ALAD: variants seen among roughly 807,000 people sequenced by gnomAD.
ALAD encodes the protein aminolevulinate dehydratase, also known as delta-aminolevulinic acid dehydratase.
A neutral mutation model predicts 44.4 loss-of-function variants in ALAD; 20 were observed. The observed-to-expected ratio is 0.45, with a 90% confidence interval of 0.32 to 0.65. The LOEUF is 0.65. ALAD is among the 30% of genes least tolerant of loss of function. ALAD has a pLI of 0.05. For synonymous variants in ALAD, 156 were observed against 167.9 expected (o/e 0.93, Z 0.55); for missense variants, 323 against 445.7 (o/e 0.72, Z 2.48).
At chr9:113,394,673 A>C (rs1827680455) in intron 1 of ALAD, among the ~76,000 whole-genome samples, 1 of 152,234 alleles carries the variant, frequency 6.6e-6, no homozygotes, top group Non-Finnish European at 1.5e-5. Flanking sequence ...TTATTCCACA[A>C]AAAATGCCCG....
intron 2 of ALAD, 164 bp from the exon 3 acceptor site, chr9:113,392,333 G>A (rs775648666): frequency 3.3e-6 from 5 of 1,530,394 alleles, no homozygotes; most frequent in Admixed American, 3.9e-5. Context: ...CCAAGCCCAG[G>A]GCCTGAAATA....
At chr9:113,400,770 T>C (rs777052853) in intron 1 of ALAD, among the ~76,000 whole-genome samples, 15 of 152,154 alleles carry the variant, frequency 9.9e-5, no homozygotes, top group Non-Finnish European at 2.1e-4. Context: ...TGCAGTGAGC[T>C]GAGATCGCGC....
In ALAD at chr9:113,392,118, C is replaced by A. The variant is rs1827602947; in HGVS notation, c.164+1G>T. 6.2e-7 allele frequency: 1 copy of A among 1,611,542 alleles called. No individual in the cohort carries two copies. Among genetic ancestry groups the A allele is most frequent in the African/African-American group, 1.3e-5 (1 of 74,906 alleles). Reference sequence around the variant, plus strand: ...TGGCCCCCCAACTCCACGTCTCCTACCTGGCCACTCCTGGGAGGCTGGTGA... The same window carrying A: ...TGGCCCCCCAACTCCACGTCTCCTAACTGGCCACTCCTGGGAGGCTGGTGA... On this transcript the variant is annotated splice_donor_variant, in intron 3 of 11. Transcript: ENST00000409155. LOFTEE classifies it high-confidence loss of function.
chr9:113,388,190 A>G lies in ALAD; in HGVS notation c.*110T>C. On this transcript the variant is annotated 3_prime_UTR_variant, in exon 12 of 12. Transcript: ENST00000409155. ...TGGGCCCCGCTAGCATGTGAGCAGG[A>G]AGAGGGCATGAGGGCACAGTTCTAA... is the stretch of plus-strand genomic sequence containing the variant. 8.5e-7 allele frequency: 1 copy of G among 1,182,762 alleles called. No individual in the cohort carries two copies. Among genetic ancestry groups the G allele is most frequent in the Non-Finnish European group, 1.3e-6 (1 of 790,930 alleles). The allele number at this position is 1,182,762 out of a possible 1,614,324, so 73.3% of individuals were successfully genotyped here. A position where few individuals can be genotyped will look rare whatever the true frequency, so the allele number is the denominator to read the frequency against.
chr9:113,393,399 C>CA, intron 2 of ALAD, 48 bp downstream of exon 2: 3 of 1,543,538 alleles, frequency 1.9e-6, no homozygotes, highest in Non-Finnish European at 2.7e-6. Flanking sequence ...TCCCCAACCC[C>CA]AACCCCAACC....
intron 1 of ALAD, among the ~76,000 whole-genome samples, chr9:113,399,109 A>C (rs1371529691): frequency 6.6e-6 from 1 of 152,240 alleles, no homozygotes; most frequent in Non-Finnish European, 1.5e-5. Context: ...CGGTGCAGAA[A>C]GATCCATGTT....
At chr9:113,395,036 C>T (rs960300394) in intron 1 of ALAD, among the ~76,000 whole-genome samples, 3 of 150,262 alleles carry the variant, frequency 2.0e-5, no homozygotes, top group African/African-American at 7.4e-5. Context: ...GCCTGGGCGA[C>T]AGAGCAAGAC....
Position 113,390,598 on chromosome 9 carries a change from T to C in ALAD, c.476A>G (p.Lys159Arg), listed in dbSNP as rs777079155. The C allele has an allele frequency of 1.1e-5, 18 of 1,613,984 alleles. No individual in the cohort carries two copies. The Admixed American group carries it at 2.8e-4, about 25-fold the overall frequency. The change falls in exon 6 of 12, where the codon AAG becomes AGG. Residue 159 changes from lysine (K) to arginine (R), a missense_variant. Physicochemically the swap from Lys to Arg is conservative, Grantham distance 26. Coordinates refer to ENST00000409155, the MANE Select transcript of ALAD (RefSeq NM_000031.6). Reference sequence around the variant, plus strand: ...CCTGCTGGTGGTTCACTCACCTGCCTTGGCATACGCCAATGCCACCTCAGC... The same window carrying C: ...CCTGCTGGTGGTTCACTCACCTGCCCTGGCATACGCCAATGCCACCTCAGC... ...RLAEVALAYA[K>R]AGCQVVAPSD...
chr9:113,395,700 T>A (rs1588086969), intron 1 of ALAD, among the ~76,000 whole-genome samples: 1 of 152,194 alleles, frequency 6.6e-6, no homozygotes, highest in East Asian at 1.9e-4. Flanking sequence ...ATTGAGTGCA[T>A]GGAGCCTGAC....
At chr9:113,390,776 T>C in intron 5 of ALAD, 22 bp downstream of exon 5, 1 of 1,602,662 alleles carries the variant, frequency 6.2e-7, no homozygotes, top group Non-Finnish European at 8.5e-7. Flanking sequence ...GCAGCAGGGC[T>C]GGTGGGAGGG....
rs1827540967 is a variant in ALAD, at chr9:113,390,436, T to C, written c.539A>G (p.Glu180Gly). 1 of 1,614,100 alleles carries C rather than the reference T, an allele frequency of 6.2e-7. No homozygotes were observed. The highest frequency in any genetic ancestry group is 1.7e-5 in the Admixed American group (1 of 60,020). ...MMDGRVEAIK[E>G]ALMAHGLGNR... ...GCCAAGTCCATGTGCCATCAGGGCC[T>C]CTTTGATGGCTTCCACGCGTCCATC... The change falls in exon 7 of 12, where the codon GAG becomes GGG. Residue 180 changes from glutamate (E) to glycine (G), a missense_variant. Physicochemically the swap from Glu to Gly is moderately conservative, Grantham distance 98 (BLOSUM62 -2). Transcript: ENST00000409155.
intron 1 of ALAD, among the ~76,000 whole-genome samples, chr9:113,397,613 TC>T (rs1827764004): frequency 6.7e-6 from 1 of 148,198 alleles, no homozygotes; most frequent in Non-Finnish European, 1.5e-5. Flanking sequence ...GAGTTTTTTT[TC>T]CTTTTCTTTT....
intron 1 of ALAD, among the ~76,000 whole-genome samples, chr9:113,399,275 T>G (rs1827803474): frequency 6.6e-6 from 1 of 152,220 alleles, no homozygotes; most frequent in Non-Finnish European, 1.5e-5. Flanking sequence ...AAGGTAGGTG[T>G]CTGGCACCAA....
At position 113,390,709 on chromosome 9, in the gene ALAD, C is replaced by G. The variant is rs759724251; in HGVS notation, c.398-33G>C. 11 of 1,608,126 alleles carry G rather than the reference C, an allele frequency of 6.8e-6. No individual in the cohort carries two copies. The Admixed American group carries it at 1.9e-4, about 27-fold the overall frequency. On this transcript the variant is annotated intron_variant, in intron 5 of 11. Coordinates refer to ENST00000409155, the MANE Select transcript of ALAD (RefSeq NM_000031.6). Reference sequence around the variant, plus strand: ...ACAGATGACTGGGTTTTGGGGAGCACCTTGGGCCCTGGCCTGTCCCCACCC... The same window carrying G: ...ACAGATGACTGGGTTTTGGGGAGCAGCTTGGGCCCTGGCCTGTCCCCACCC...
intron 1 of ALAD, among the ~76,000 whole-genome samples, chr9:113,399,287 T>C (rs542478370): frequency 6.6e-6 from 1 of 152,348 alleles, no homozygotes; most frequent in African/African-American, 2.4e-5. Context: ...TGGCACCAAG[T>C]AGCTGCACAG....
intron 1 of ALAD, 33 bp from the exon 2 acceptor site, chr9:113,393,667 G>C: frequency 2.3e-6 from 2 of 879,948 alleles, no homozygotes; most frequent in Non-Finnish European, 3.8e-6. Context: ...CATGAGACAT[G>C]GTCCCTGTCC....
At chr9:113,396,192 A>T (rs1008613036) in intron 1 of ALAD, 1 of 152,176 alleles carries the variant, frequency 6.6e-6, no homozygotes, top group African/African-American at 2.4e-5. Flanking sequence ...GAGAAACTCC[A>T]TCTCACAATA....
rs1194419472 is a variant in ALAD, at chr9:113,390,604, T to C, written c.470A>G (p.Tyr157Cys). 1 of 1,614,024 alleles carries C rather than the reference T, an allele frequency of 6.2e-7. No homozygotes were observed. Among genetic ancestry groups the C allele is most frequent in the African/African-American group, 1.3e-5 (1 of 74,960 alleles). Residue 157 changes from tyrosine (Y) to cysteine (C), a missense_variant, in exon 6 of 12, where the codon TAT becomes TGT. By Grantham distance (194) the Tyr-to-Cys change is radical (BLOSUM62 -2). Transcript: ENST00000409155. ...RQRLAEVALA[Y>C]AKAGCQVVAP... ...GGTGGTTCACTCACCTGCCTTGGCA[T>C]ACGCCAATGCCACCTCAGCCAGCCG...
chr9:113,387,118 C>T lies in ALAD; in HGVS notation c.*1182G>A, dbSNP rs959638785. On this transcript the variant is annotated 3_prime_UTR_variant, in exon 12 of 12. Transcript: ENST00000409155. ...GACCTCTGCATGGTTTGGTCCTGGT[C>T]TGTCTCTCTCCACTCAGTTCAGGCC... 1 of 152,272 alleles carries T rather than the reference C, an allele frequency of 6.6e-6. No individual in the cohort carries two copies. The highest frequency in any genetic ancestry group is 6.5e-5 in the Admixed American group (1 of 15,276). The allele number at this position is 152,272 out of a possible 1,614,324, so 9.4% of individuals were successfully genotyped here.
Sources: gnomAD v4.1 joint callset for allele counts (sites outside exome capture counted in the v4.1 genomes callset) on GRCh38, gnomAD v4.1.1 for gene constraint, MANE v1.5 for transcripts, NCBI Gene and HGNC (gene_info 2026-07-23, HGNC 2026-07-21) for gene names.